Variants in MPP2 observed in about 807,000 individuals in gnomAD.
MPP2 encodes MAGUK p55 subfamily member 2.
MPP2 carries 42 observed loss-of-function variants against 58.5 expected under a neutral mutation model. That is an observed-to-expected ratio of 0.72 (90% CI 0.56 to 0.93). The LOEUF (loss-of-function observed/expected upper bound fraction) is 0.93, where lower values mean the gene tolerates loss of function less well. Ranked by LOEUF, MPP2 falls within the 40% of genes least tolerant of loss-of-function variation. The pLI is 0.00. For missense variants in MPP2, 632 were observed against 760.4 expected, an observed-to-expected ratio of 0.83 and a Z score of 1.99; for synonymous variants, 300 against 307.8, an observed-to-expected ratio of 0.97 and a Z score of 0.26.
In MPP2 at chr17:43,898,331, C is replaced by T; in HGVS notation, c.81G>A (p.Gly27=). The part of the protein sequence containing the change: ...DNLGSLPSAT[G]AAELDLIFLR... ...GGAAGATCAGGTCCAGCTCTGCAGCCCCCGTGGCACTGGGGAGGGATCCCA... is the reference window on the plus strand; with the variant it reads ...GGAAGATCAGGTCCAGCTCTGCAGCTCCCGTGGCACTGGGGAGGGATCCCA... The change falls in exon 3 of 13, where the codon GGG becomes GGA. Residue 27 remains glycine (G), a synonymous_variant. Coordinates refer to ENST00000269095, the MANE Select transcript of MPP2 (RefSeq NM_005374.5). 5 of 1,614,192 alleles carry T rather than the reference C, an allele frequency of 3.1e-6. No individual in the cohort carries two copies. Among genetic ancestry groups the T allele is most frequent in the Non-Finnish European group, 4.2e-6 (5 of 1,180,028 alleles).
chr17:43,897,718 C>A (rs955878220), intron 3 of MPP2, among the ~76,000 whole-genome samples: 12 of 152,168 alleles, frequency 7.9e-5, no homozygotes, highest in African/African-American at 2.7e-4. Flanking sequence ...TGCCCTCCCC[C>A]TCTTCCTCAT....
In MPP2 at chr17:43,900,589, A is replaced by G. The variant is rs1380307840; in HGVS notation, c.32-2209T>C. On this transcript the variant is annotated intron_variant, in intron 2 of 12. Transcript: ENST00000269095. ...GACCCGGGGACTCCCGGAGCGTCCT[A>G]CACGCCGCCGTCTACCGCCTCCCCA... is the stretch of plus-strand genomic sequence containing the variant. 2.0e-6 allele frequency: 3 copies of G among 1,510,904 alleles called. No individual in the cohort carries two copies. The South Asian group carries it at 3.7e-5, about 19-fold the overall frequency. 93.6% of individuals were successfully genotyped at this position (1,510,904 alleles called of 1,614,324 possible). A position where few individuals can be genotyped will look rare whatever the true frequency, so the allele number is the denominator to read the frequency against.
chr17:43,879,551 A>C lies in MPP2; in HGVS notation c.1354-148T>G, dbSNP rs1329161245. 1.8e-6 allele frequency: 2 copies of C among 1,083,182 alleles called. No homozygotes were observed. The highest frequency in any genetic ancestry group is 4.3e-5 in the Admixed American group (2 of 46,026). 67.1% of individuals were successfully genotyped at this position (1,083,182 alleles called of 1,614,324 possible). Reference sequence around the variant, plus strand: ...GGGGGTCTGGGACATGAGTCCTGGGACAAATGACAAACAGCTGGCAGGTGG... The same window carrying C: ...GGGGGTCTGGGACATGAGTCCTGGGCCAAATGACAAACAGCTGGCAGGTGG... On this transcript the variant is annotated intron_variant, in intron 11 of 12. Transcript: ENST00000269095. This position sits in a 1 kb window ranked among gnomAD's most constrained non-coding sequence, Gnocchi z 4.1.
At chr17:43,883,838 G>T (rs1420723933) in intron 3 of MPP2, among the ~76,000 whole-genome samples, 1 of 152,148 alleles carries the variant, frequency 6.6e-6, no homozygotes, top group African/African-American at 2.4e-5. Context: ...CGAATGAGGG[G>T]ACAGGAAATC....
intron 3 of MPP2, among the ~76,000 whole-genome samples, chr17:43,891,887 T>C (rs1392511464): frequency 6.6e-6 from 1 of 152,242 alleles, no homozygotes; most frequent in Non-Finnish European, 1.5e-5. Context: ...CTTCATCTCA[T>C]GTGAATTAGT....
rs530702340 is a variant in MPP2 at position 43,901,256 on chromosome 17, G to A, written c.32-2876C>T. The A allele has an allele frequency of 1.7e-4, 171 of 985,424 alleles. 1 individual carries two copies. The Admixed American group carries it at 2.1e-3, about 12-fold the overall frequency. 61.0% of individuals were successfully genotyped at this position (985,424 alleles called of 1,614,324 possible). A position where few individuals can be genotyped will look rare whatever the true frequency, so the allele number is the denominator to read the frequency against. The stretch of plus-strand genomic sequence containing the variant: ...CGTGGGGGAGGTGGCATCGCTGTGG[G>A]TAGGGATGGTGCCCCAGCCCTGCTT... On this transcript the variant is annotated intron_variant, in intron 2 of 12. Coordinates refer to ENST00000269095, the MANE Select transcript of MPP2 (RefSeq NM_005374.5).
rs751013313 is a variant in MPP2, at chr17:43,880,762, C to T, written c.1079G>A (p.Gly360Asp). The T allele has an allele frequency of 3.1e-6, 5 of 1,613,956 alleles. No individual in the cohort carries two copies. The highest frequency in any genetic ancestry group is 4.2e-6 in the Non-Finnish European group (5 of 1,179,970). Residue 360 changes from glycine (G) to aspartate (D), a missense_variant, in exon 10 of 13, where the codon GGC becomes GAC. Coordinates refer to ENST00000269095, the MANE Select transcript of MPP2 (RefSeq NM_005374.5). The surrounding 1 kb of genome is among the most constrained non-coding windows in gnomAD (Gnocchi z 5.2). ...GTTCTTCAGGCTGCGCCGTCCCACG[C>T]CCTGAGCCCCAATCAGTACCAGGGT... is the stretch of plus-strand genomic sequence containing the variant. ...RKTLVLIGAQ[G>D]VGRRSLKNKL... is the part of the protein sequence containing the mutation.
intron 3 of MPP2, among the ~76,000 whole-genome samples, chr17:43,895,118 TTA>T (rs1189542144): frequency 6.6e-6 from 1 of 150,554 alleles, no homozygotes; most frequent in Non-Finnish European, 1.5e-5. Context: ...ATTTATTTAT[TTA>T]TTTTTTTTTT....
intron 1 of MPP2, chr17:43,907,027 T>C (rs114214109): frequency 1.8e-5 from 5 of 273,220 alleles, no homozygotes; most frequent in Non-Finnish European, 2.8e-5. Flanking sequence ...CCAGGGAAGA[T>C]TGTGGTGTTA....
At chr17:43,878,020 C>T in intron 12 of MPP2, 37 bp from the exon 13 acceptor site, 1 of 1,582,490 alleles carries the variant, frequency 6.3e-7, no homozygotes, top group Non-Finnish European at 8.6e-7. Context: ...ACAGTCAGTG[C>T]CCACAACTCA....
intron 3 of MPP2, among the ~76,000 whole-genome samples, chr17:43,883,921 G>A (rs955998328): frequency 2.6e-5 from 4 of 152,154 alleles, no homozygotes; most frequent in South Asian, 2.1e-4. Flanking sequence ...ACCAAGGAGC[G>A]CTGAAAACAG....
At chr17:43,901,423 C>G in intron 2 of MPP2, 1 of 985,504 alleles carries the variant, frequency 1.0e-6, no homozygotes, top group Non-Finnish European at 1.2e-6. Flanking sequence ...CACATTTGCA[C>G]ACAGGGAAAA....
In MPP2 at chr17:43,881,593, G is replaced by A; in HGVS notation, c.682-4C>T. On this transcript the variant is annotated splice_region_variant and splice_polypyrimidine_tract_variant and intron_variant, in intron 6 of 12. Coordinates refer to ENST00000269095, the MANE Select transcript of MPP2 (RefSeq NM_005374.5). ...CAAAGTGACATTTCACAAATACCTGGGCCCAGGAATCAGCAAAGGGTCGGG... is the reference window on the plus strand; with the variant it reads ...CAAAGTGACATTTCACAAATACCTGAGCCCAGGAATCAGCAAAGGGTCGGG... 6.2e-7 allele frequency: 1 copy of A among 1,613,462 alleles called. No homozygotes were observed. The highest frequency in any genetic ancestry group is 8.5e-7 in the Non-Finnish European group (1 of 1,179,670).
chr17:43,878,881 C>A (rs547881324), intron 12 of MPP2, among the ~76,000 whole-genome samples: 1 of 152,220 alleles, frequency 6.6e-6, no homozygotes, highest in Admixed American at 6.5e-5. Flanking sequence ...CCAGCCTTCC[C>A]GCCTCTGGCT....
At chr17:43,906,352 G>C (rs556268367) in intron 1 of MPP2, among the ~76,000 whole-genome samples, 1 of 152,298 alleles carries the variant, frequency 6.6e-6, no homozygotes, top group Admixed American at 6.5e-5. Context: ...TGCCAGGCAA[G>C]CTAGCCTGGC....
intron 3 of MPP2, among the ~76,000 whole-genome samples, chr17:43,897,543 G>A (rs944163135): frequency 3.3e-5 from 5 of 151,988 alleles, no homozygotes; most frequent in Admixed American, 6.6e-5. Context: ...GGATGCCCAA[G>A]CACCCACATA....
rs368456986 is a variant in MPP2 at position 43,901,248 on chromosome 17, C to T, written c.32-2868G>A. ...GCAGGGTACGTGGGGGAGGTGGCAT[C>T]GCTGTGGGTAGGGATGGTGCCCCAG... is the stretch of plus-strand genomic sequence containing the variant. On this transcript the variant is annotated intron_variant, in intron 2 of 12. Transcript: ENST00000269095. 108 of 985,342 alleles carry T rather than the reference C, an allele frequency of 1.1e-4. No homozygotes were observed. In the African/African-American group the frequency reaches 1.7e-3, roughly 15 times the overall value. The allele number at this position is 985,342 out of a possible 1,614,324, so 61.0% of individuals were successfully genotyped here. A position where few individuals can be genotyped will look rare whatever the true frequency, so the allele number is the denominator to read the frequency against.
Position 43,907,535 on chromosome 17 carries a change from T to C in MPP2, c.-95A>G, listed in dbSNP as rs1454241381. ...AGCGCAGCCGGGCGCTCAGCGTTTATTGCTTGTCAATCGCTAGCCCGGCTC... is the reference window on the plus strand; with the variant it reads ...AGCGCAGCCGGGCGCTCAGCGTTTACTGCTTGTCAATCGCTAGCCCGGCTC... On this transcript the variant is annotated 5_prime_UTR_variant, in exon 1 of 13. Coordinates refer to ENST00000269095, the MANE Select transcript of MPP2 (RefSeq NM_005374.5). 2 of 985,386 alleles carry C rather than the reference T, an allele frequency of 2.0e-6. No individual in the cohort carries two copies. Among genetic ancestry groups the C allele is most frequent in the Non-Finnish European group, 2.4e-6 (2 of 829,966 alleles). 61.0% of individuals were successfully genotyped at this position (985,386 alleles called of 1,614,324 possible).
Position 43,900,444 on chromosome 17 carries a change from G to A in MPP2, c.32-2064C>T, listed in dbSNP as rs182159462. The A allele has an allele frequency of 0.019, 16,172 of 836,296 alleles. 121 individuals carry two copies. The highest frequency in any genetic ancestry group is 0.026 in the Non-Finnish European group (13,784 of 538,724). The allele number at this position is 836,296 out of a possible 1,614,324, so 51.8% of individuals were successfully genotyped here. A position where few individuals can be genotyped will look rare whatever the true frequency, so the allele number is the denominator to read the frequency against. ...GGTAGGCTAAGGGGCCAGCTGCCCC[G>A]CCCCCATCTGGCCCGCCCTTCCCTA... On this transcript the variant is annotated intron_variant, in intron 2 of 12. Transcript: ENST00000269095.
Sources: gnomAD v4.1 joint callset for allele counts (sites outside exome capture counted in the v4.1 genomes callset) on GRCh38, gnomAD v4.1.1 for gene constraint, Gnocchi (gnomAD v3.1) non-coding constraint, MANE v1.5 for transcripts, NCBI Gene and HGNC (gene_info 2026-07-23, HGNC 2026-07-21) for gene names.